TENM3: variants seen among roughly 807,000 people sequenced by gnomAD.
TENM3 encodes the protein teneurin transmembrane protein 3, also known as teneurin-3.
Under a neutral mutation model 255.1 loss-of-function variants are expected in TENM3, and 63 were observed. The ratio of observed to expected loss-of-function variants is 0.25; its 90% CI spans 0.20 to 0.30. The LOEUF (loss-of-function observed/expected upper bound fraction) is 0.30, where lower values mean the gene tolerates loss of function less well. Among genes scored for constraint, TENM3 ranks in the 10% least tolerant of loss-of-function variants. The probability of loss-of-function intolerance (pLI) is 1.00; values close to 1 mark genes in which losing one functional copy is unlikely to be tolerated. For missense variants in TENM3, 2,929 were observed against 3,461.1 expected (o/e 0.85, Z 3.86); for synonymous variants, 1,306 against 1,322.3 (o/e 0.99, Z 0.27).
the TENM3 span, among the ~76,000 whole-genome samples, chr4:182,079,144 T>C: frequency 6.6e-6 from 1 of 152,312 alleles, no homozygotes; most frequent in African/African-American, 2.4e-5. Flanking sequence ...TGTGTACTTT[T>C]AGGGAAGCAG....
chr4:182,163,586 A>G (rs1233580768), intron 1 of TENM3, among the ~76,000 whole-genome samples: 4 of 152,208 alleles, frequency 2.6e-5, no homozygotes, highest in Non-Finnish European at 5.9e-5. Context: ...ACATCTATTT[A>G]GCATTTACCT....
Position 182,732,609 on chromosome 4 carries a change from C to T in TENM3, c.2967+1470C>T, listed in dbSNP as rs80232158. On this transcript the variant is annotated intron_variant, in intron 16 of 27. Transcript: ENST00000511685. ...GGGAGGCCAAGGCAGGAGGATGGAT[C>T]GAGCCCAGGAATTTGAGACCAACCT... Among the ~76,000 whole-genome samples, 1,047 of 152,224 alleles carry T rather than the reference C, an allele frequency of 6.9e-3. 15 individuals carry two copies. The highest frequency in any genetic ancestry group is 0.024 in the African/African-American group (984 of 41,536).
chr4:182,728,822 G>C (rs1760441430), intron 13 of TENM3, 143 bp from the exon 14 acceptor site: 2 of 650,902 alleles, frequency 3.1e-6, no homozygotes, highest in Admixed American at 5.8e-5. Flanking sequence ...GTTTCAAAAA[G>C]TATGCCTCAT....
intron 3 of TENM3, among the ~76,000 whole-genome samples, chr4:182,372,633 T>C (rs1328916914): frequency 6.6e-6 from 1 of 152,098 alleles, no homozygotes; most frequent in Non-Finnish European, 1.5e-5. Flanking sequence ...TAAATAGTGG[T>C]CACCTGTCCC....
chr4:182,308,932 A>G (rs1047638565), intron 1 of TENM3, among the ~76,000 whole-genome samples: 2 of 152,214 alleles, frequency 1.3e-5, no homozygotes, highest in Admixed American at 6.5e-5. Context: ...AAAATATTCT[A>G]GAGAATGGAA....
At chr4:181,947,230 G>T in the TENM3 span, among the ~76,000 whole-genome samples, 3 of 152,128 alleles carry the variant, frequency 2.0e-5, no homozygotes, top group Admixed American at 2.0e-4. Flanking sequence ...TGATATATAT[G>T]GATGAGGAAG....
the TENM3 span, among the ~76,000 whole-genome samples, chr4:181,998,239 T>TA: frequency 6.6e-6 from 1 of 152,168 alleles, no homozygotes; most frequent in Non-Finnish European, 1.5e-5. Context: ...ATCCATGTGT[T>TA]AATTGAGTGT....
chr4:182,245,957 C>G (rs973118272), intron 1 of TENM3, among the ~76,000 whole-genome samples: 1 of 151,908 alleles, frequency 6.6e-6, no homozygotes, highest in African/African-American at 2.4e-5. Flanking sequence ...TATTGGCGGG[C>G]GCTCCTGCTG....
intron 2 of TENM3, among the ~76,000 whole-genome samples, chr4:182,335,522 C>G (rs1416416154): frequency 9.3e-6 from 1 of 107,946 alleles, no homozygotes; most frequent in South Asian, 3.2e-4. Flanking sequence ...AAAAAAAAGA[C>G]GAAGCATTTG....
At chr4:182,320,682 T>C (rs900964838) in intron 1 of TENM3, among the ~76,000 whole-genome samples, 5 of 152,208 alleles carry the variant, frequency 3.3e-5, no homozygotes, top group Admixed American at 3.3e-4. Context: ...GATTTATCTT[T>C]TGGGGAGACA....
intron 12 of TENM3, 49 bp downstream of exon 12, chr4:182,688,400 C>CACCG: frequency 7.3e-7 from 1 of 1,372,194 alleles, no homozygotes; most frequent in Non-Finnish European, 9.6e-7. Context: ...CAGAGAAGAG[C>CACCG]ACCGACGGTC....
the TENM3 span, among the ~76,000 whole-genome samples, chr4:181,599,858 A>T: frequency 6.6e-6 from 1 of 152,110 alleles, no homozygotes; most frequent in Admixed American, 6.5e-5. Context: ...TATTTATTAC[A>T]CAAATTTATT....
chr4:182,639,183 G>C (rs2309694), intron 5 of TENM3, among the ~76,000 whole-genome samples: 104,991 of 152,116 alleles, frequency 0.69, 37,633 homozygotes, highest in African/African-American at 0.87. Context: ...GATATAATTT[G>C]AAATTTGTAT....
chr4:182,668,734 G>A (rs541613899), intron 6 of TENM3, among the ~76,000 whole-genome samples: 60 of 152,282 alleles, frequency 3.9e-4, no homozygotes, highest in African/African-American at 1.4e-3. Flanking sequence ...AAATTAATTT[G>A]TGGAGAAAGA....
At chr4:181,730,880 A>G in the TENM3 span, among the ~76,000 whole-genome samples, 22 of 152,310 alleles carry the variant, frequency 1.4e-4, no homozygotes, top group Non-Finnish European at 2.9e-4. Context: ...TATGTTTCAC[A>G]AGATAAGATC....
At chr4:182,278,975 C>T (rs1375607532) in intron 1 of TENM3, among the ~76,000 whole-genome samples, 2 of 152,180 alleles carry the variant, frequency 1.3e-5, no homozygotes, top group African/African-American at 2.4e-5. Flanking sequence ...CTGGAGGCTG[C>T]GCTTGAAGAC....
chr4:182,508,368 C>G (rs1737051725), intron 3 of TENM3, among the ~76,000 whole-genome samples: 1 of 152,176 alleles, frequency 6.6e-6, no homozygotes, highest in Non-Finnish European at 1.5e-5. Flanking sequence ...TTGTATAAAT[C>G]TCATTTGGCA....
At chr4:181,557,481 A>T in the TENM3 span, among the ~76,000 whole-genome samples, 2 of 152,228 alleles carry the variant, frequency 1.3e-5, no homozygotes, top group East Asian at 3.8e-4. Context: ...GTTACTTTAT[A>T]CATATTGAAT....
At chr4:181,693,689 C>G in the TENM3 span, among the ~76,000 whole-genome samples, 1 of 152,116 alleles carries the variant, frequency 6.6e-6, no homozygotes, top group Non-Finnish European at 1.5e-5. Context: ...TCTGCCCTGG[C>G]TTCTGAGAGC....
Sources: gnomAD v4.1 joint callset for allele counts (sites outside exome capture counted in the v4.1 genomes callset) on GRCh38, gnomAD v4.1.1 for gene constraint, MANE v1.5 for transcripts, NCBI Gene and HGNC (gene_info 2026-07-23, HGNC 2026-07-21) for gene names.